ARC: variants seen among roughly 807,000 people sequenced by gnomAD.
The protein encoded by ARC is activity-regulated cytoskeleton-associated protein.
In ARC, 10 loss-of-function variants were observed where a neutral mutation model predicts 20.0. The ratio of observed to expected loss-of-function variants is 0.50; its 90% CI spans 0.31 to 0.85. ARC has a LOEUF of 0.85. Ranked by LOEUF, ARC falls within the 40% of genes least tolerant of loss-of-function variation. ARC has a pLI of 0.05. For synonymous variants in ARC, 269 were observed against 254.1 expected (o/e 1.06, Z -0.56); for missense variants, 454 against 555.5 (o/e 0.82, Z 1.84).
Position 142,612,600 on chromosome 8 carries a change from A to T in ARC, c.*481T>A. ...AGGCTGGCCAGCTGCCCTGGGAGGCAGGGAGGGCGTCAGCTGGCTCTGCGG... is the reference window on the plus strand; with the variant it reads ...AGGCTGGCCAGCTGCCCTGGGAGGCTGGGAGGGCGTCAGCTGGCTCTGCGG... On this transcript the variant is annotated 3_prime_UTR_variant, in exon 1 of 3. Transcript: ENST00000356613. The T allele has an allele frequency of 6.3e-6, 1 of 159,940 alleles. No individual in the cohort carries two copies. The highest frequency in any genetic ancestry group is 1.4e-5 in the Non-Finnish European group (1 of 72,654). The allele number at this position is 159,940 out of a possible 1,614,324, so 9.9% of individuals were successfully genotyped here. A position where few individuals can be genotyped will look rare whatever the true frequency, so the allele number is the denominator to read the frequency against.
Position 142,612,758 on chromosome 8 carries a change from G to A in ARC, c.*323C>T. On this transcript the variant is annotated 3_prime_UTR_variant, in exon 1 of 3. Transcript: ENST00000356613. ...CATCCGGACACTTGGTTTTCTGGAT[G>A]TCCAGAGGGCCTGGGTGTTGTAGCA... 3.0e-6 allele frequency: 1 copy of A among 328,722 alleles called. No homozygotes were observed. Among genetic ancestry groups the A allele is most frequent in the Non-Finnish European group, 5.6e-6 (1 of 178,596 alleles). 20.4% of individuals were successfully genotyped at this position (328,722 alleles called of 1,614,324 possible). A position where few individuals can be genotyped will look rare whatever the true frequency, so the allele number is the denominator to read the frequency against.
In ARC at chr8:142,612,775, G is replaced by C; in HGVS notation, c.*306C>G. The stretch of plus-strand genomic sequence containing the variant: ...TTCTGGATGTCCAGAGGGCCTGGGT[G>C]TTGTAGCAGAATGAGGAAGCTGGGG... On this transcript the variant is annotated 3_prime_UTR_variant, in exon 1 of 3. Coordinates refer to ENST00000356613, the MANE Select transcript of ARC (RefSeq NM_015193.5). 2.6e-6 allele frequency: 1 copy of C among 380,374 alleles called. No homozygotes were observed. Among genetic ancestry groups the C allele is most frequent in the Non-Finnish European group, 4.7e-6 (1 of 210,866 alleles). 23.6% of individuals were successfully genotyped at this position (380,374 alleles called of 1,614,324 possible).
rs892215236 is a variant in ARC at position 142,614,391 on chromosome 8, CGGGCCGGCGGCG to C, written c.-132_-121del. 2.0e-5 allele frequency: 19 copies of C among 936,072 alleles called. No individual in the cohort carries two copies. In the African/African-American group the frequency reaches 2.2e-4, roughly 11 times the overall value. 58.0% of individuals were successfully genotyped at this position (936,072 alleles called of 1,614,324 possible). A position where few individuals can be genotyped will look rare whatever the true frequency, so the allele number is the denominator to read the frequency against. The stretch of plus-strand genomic sequence containing the variant: ...TGCGGGGAGCGCCTGTCTGTCGCTG[CGGGCCGGCGGCG>C]GGGCCGGCGGAGCACGCCCGGGGAG... On this transcript the variant is annotated 5_prime_UTR_variant, in exon 1 of 3. Coordinates refer to ENST00000356613, the MANE Select transcript of ARC (RefSeq NM_015193.5).
rs1193395488 is a variant in ARC, at chr8:142,613,983, G to A, written c.289C>T (p.Arg97Cys). Residue 97 changes from arginine (R) to cysteine (C), a missense_variant, in exon 1 of 3, where the codon CGC becomes TGC. Physicochemically the swap from Arg to Cys is radical, Grantham distance 180. Coordinates refer to ENST00000356613, the MANE Select transcript of ARC (RefSeq NM_015193.5). ...WKKSIKACLC[R>C]CQETIANLER... The stretch of plus-strand genomic sequence containing the variant: ...AGGTTGGCGATGGTCTCCTGGCAGC[G>A]GCACAGGCAGGCCTTGATGGACTTC... The A allele has an allele frequency of 3.1e-6, 5 of 1,608,798 alleles. No individual in the cohort carries two copies. The highest frequency in any genetic ancestry group is 4.2e-6 in the Non-Finnish European group (5 of 1,179,446).
rs587595872 is a variant in ARC at position 142,612,951 on chromosome 8, G to C, written c.*130C>G. On this transcript the variant is annotated 3_prime_UTR_variant, in exon 1 of 3. Coordinates refer to ENST00000356613, the MANE Select transcript of ARC (RefSeq NM_015193.5). ...GGATGACACGAGTGTGTGCGAGTCC[G>C]CCCGGAGCTCGAGGGGGCACCCAGC... is the stretch of plus-strand genomic sequence containing the variant. 48 of 724,246 alleles carry C rather than the reference G, an allele frequency of 6.6e-5. No homozygotes were observed. In the South Asian group the frequency reaches 8.4e-4, roughly 13 times the overall value. The allele number at this position is 724,246 out of a possible 1,614,324, so 44.9% of individuals were successfully genotyped here.
Position 142,614,106 on chromosome 8 carries a change from G to T in ARC, c.166C>A (p.Gln56Lys). The change falls in exon 1 of 3, where the codon CAG becomes AAG. Residue 56 changes from glutamine (Q) to lysine (K), a missense_variant. By Grantham distance (53) the Gln-to-Lys change is moderately conservative. Transcript: ENST00000356613. The part of the protein sequence containing the change: ...HRHLLAEVSK[Q>K]VERELKGLHR... The stretch of plus-strand genomic sequence containing the variant: ...AGCCCCTTCAGCTCGCGCTCCACCT[G>T]CTTGGACACCTCGGCCAGCAGGTGC... 1.3e-6 allele frequency: 2 copies of T among 1,594,048 alleles called. No individual in the cohort carries two copies. Among genetic ancestry groups the T allele is most frequent in the Non-Finnish European group, 1.7e-6 (2 of 1,169,944 alleles).
chr8:142,613,373 T>C lies in ARC; in HGVS notation c.899A>G (p.Gln300Arg), dbSNP rs1846274763. 7 of 1,613,144 alleles carry C rather than the reference T, an allele frequency of 4.3e-6. No homozygotes were observed. Among genetic ancestry groups the C allele is most frequent in the Non-Finnish European group, 5.9e-6 (7 of 1,179,970 alleles). The change falls in exon 1 of 3, where the codon CAG becomes CGG. Residue 300 changes from glutamine (Q) to arginine (R), a missense_variant. By Grantham distance (43) the Gln-to-Arg change is conservative (BLOSUM62 1). Coordinates refer to ENST00000356613, the MANE Select transcript of ARC (RefSeq NM_015193.5). ...CAGGTCCCGCTTGCGCCACAGGAAC[T>C]GGTCCAGCGGCTCGCCCTGCTTCTG... ...LPQKQGEPLD[Q>R]FLWRKRDLYQ...
At position 142,613,512 on chromosome 8, in the gene ARC, A is replaced by G; in HGVS notation, c.760T>C (p.Trp254Arg). The G allele has an allele frequency of 6.2e-7, 1 of 1,612,428 alleles. No homozygotes were observed. Among genetic ancestry groups the G allele is most frequent in the Non-Finnish European group, 8.5e-7 (1 of 1,179,660 alleles). ...NHMNGPAKKW[W>R]EFKQGSVKNW... ...TTCACGGAGCCCTGCTTGAACTCCCACCACTTCTTGGCCGGCCCGTTCATG... is the reference window on the plus strand; with the variant it reads ...TTCACGGAGCCCTGCTTGAACTCCCGCCACTTCTTGGCCGGCCCGTTCATG... Residue 254 changes from tryptophan (W) to arginine (R), a missense_variant, in exon 1 of 3, where the codon TGG becomes CGG. Physicochemically the swap from Trp to Arg is moderately radical, Grantham distance 101. This residue lies in a region of ARC where 117 missense variants were observed against 194.4 expected (regional missense o/e 0.60). Transcript: ENST00000356613.
In ARC at chr8:142,613,299, C is replaced by A; in HGVS notation, c.973G>T (p.Val325Leu). ...DADEEEIIQY[V>L]VGTLQPKLKR... ...AGCTTGGGCTGCAGGGTGCCCACCA[C>A]GTACTGGATGATCTCCTCCTCGTCC... The change falls in exon 1 of 3, where the codon GTG (valine) becomes TTG (leucine). Residue 325 changes from valine (V) to leucine (L), a missense_variant. Physicochemically the swap from Val to Leu is conservative, Grantham distance 32. This residue lies in a region of ARC where 117 missense variants were observed against 194.4 expected (regional missense o/e 0.60). Coordinates refer to ENST00000356613, the MANE Select transcript of ARC (RefSeq NM_015193.5). The A allele has an allele frequency of 6.2e-7, 1 of 1,613,706 alleles. No individual in the cohort carries two copies.
Position 142,613,630 on chromosome 8 carries a change from G to A in ARC, c.642C>T (p.Phe214=), listed in dbSNP as rs78238991. The part of the protein sequence containing the change: ...QPSPGVDTQI[F]EDPREFLSHL... ...GGCTCAGGAACTCTCGAGGGTCCTC[G>A]AAGATCTGCGTGTCCACGCCGGGGC... The change falls in exon 1 of 3, where the codon TTC becomes TTT. Residue 214 remains phenylalanine, a synonymous_variant. Transcript: ENST00000356613. The A allele has an allele frequency of 6.7e-3, 10,627 of 1,577,376 alleles. 604 individuals carry two copies. In the African/African-American group the frequency reaches 0.12, roughly 18 times the overall value.
rs1158958073 is a variant in ARC at position 142,611,514 on chromosome 8, G to C, written c.*1086C>G. ...GCTCAGGGCTGCTGGGCAGGGGTAG[G>C]AGCTGTGGCCCCAGCCTTGGGGCTC... On this transcript the variant is annotated 3_prime_UTR_variant, in exon 3 of 3. Transcript: ENST00000356613. The C allele has an allele frequency of 6.6e-6, 1 of 152,290 alleles. No individual in the cohort carries two copies. Among genetic ancestry groups the C allele is most frequent in the Non-Finnish European group, 1.5e-5 (1 of 68,086 alleles). The allele number at this position is 152,290 out of a possible 1,614,324, so 9.4% of individuals were successfully genotyped here.
Position 142,614,162 on chromosome 8 carries a change from T to G in ARC, c.110A>C (p.Glu37Ala). The G allele has an allele frequency of 6.3e-7, 1 of 1,581,898 alleles. No individual in the cohort carries two copies. Among genetic ancestry groups the G allele is most frequent in the Non-Finnish European group, 8.6e-7 (1 of 1,166,442 alleles). The part of the protein sequence containing the change: ...VILQIGKCRA[E>A]MLEHVRRTHR... ...CGTCCGCCGCACGTGCTCCAGCATC[T>G]CGGCCCGGCACTTCCCGATCTGCAG... Residue 37 changes from glutamate (E) to alanine (A), a missense_variant, in exon 1 of 3, where the codon GAG (glutamate) becomes GCG (alanine). By Grantham distance (107) the Glu-to-Ala change is moderately radical (BLOSUM62 -1). Around this residue, in one of 3 missense-constraint regions of ARC, gnomAD observed 265 missense variants for 301.7 expected, o/e 0.88. Transcript: ENST00000356613.
chr8:142,613,184 G>T lies in ARC; in HGVS notation c.1088C>A (p.Ala363Asp). Residue 363 changes from alanine to aspartate, a missense_variant, in exon 1 of 3, where the codon GCC becomes GAC. Transcript: ENST00000356613. Reference protein sequence around the residue: ...MEVQDDLEQAAEPAGPHLPVE... With the variant: ...MEVQDDLEQADEPAGPHLPVE... ...CGGGAGGTGGGGGCCGGCCGGCTCG[G>T]CCGCCTGCTCCAGGTCATCCTGCAC... is the stretch of plus-strand genomic sequence containing the variant. 1 of 1,610,046 alleles carries T rather than the reference G, an allele frequency of 6.2e-7. No individual in the cohort carries two copies. The highest frequency in any genetic ancestry group is 8.5e-7 in the Non-Finnish European group (1 of 1,178,674).
Position 142,612,102 on chromosome 8 carries a change from C to T in ARC, c.*742+6G>A, listed in dbSNP as rs372137946. The T allele has an allele frequency of 1.9e-3, 290 of 153,156 alleles. 2 individuals carry two copies. The South Asian group carries it at 0.024, about 12-fold the overall frequency. The allele number at this position is 153,156 out of a possible 1,614,324, so 9.5% of individuals were successfully genotyped here. On this transcript the variant is annotated splice_donor_region_variant and intron_variant, in intron 2 of 2. Coordinates refer to ENST00000356613, the MANE Select transcript of ARC (RefSeq NM_015193.5). ...GGGTCTGGGTGGAAGGGTGGTGCTC[C>T]GTTACCTGTTGTCACTCTCCTGGCT...
rs966559530 is a variant in ARC, at chr8:142,611,585, T to C, written c.*1015A>G. 6.6e-6 allele frequency: 1 copy of C among 152,312 alleles called. No individual in the cohort carries two copies. Among genetic ancestry groups the C allele is most frequent in the Non-Finnish European group, 1.5e-5 (1 of 68,120 alleles). The allele number at this position is 152,312 out of a possible 1,614,324, so 9.4% of individuals were successfully genotyped here. A position where few individuals can be genotyped will look rare whatever the true frequency, so the allele number is the denominator to read the frequency against. On this transcript the variant is annotated 3_prime_UTR_variant, in exon 3 of 3. Transcript: ENST00000356613. Reference sequence around the variant, plus strand: ...GGATGGCCTGGCAGCGGGCGGGGTTTCCCTGCTGGGAGGGAGGCAGGGCCC... The same window carrying C: ...GGATGGCCTGGCAGCGGGCGGGGTTCCCCTGCTGGGAGGGAGGCAGGGCCC...
Position 142,613,098 on chromosome 8 carries a change from G to T in ARC, c.1174C>A (p.Arg392=). 6.5e-7 allele frequency: 1 copy of T among 1,547,928 alleles called. No homozygotes were observed. The highest frequency in any genetic ancestry group is 8.7e-7 in the Non-Finnish European group (1 of 1,147,888). ...APNSESVASD[R]TQPE ...GATGCCCTCTACTCGGGCTGGGTCCGGTCACTGGCCACGGACTCGCTGTTG... is the reference window on the plus strand; with the variant it reads ...GATGCCCTCTACTCGGGCTGGGTCCTGTCACTGGCCACGGACTCGCTGTTG... Residue 392 remains arginine (R), a synonymous_variant, in exon 1 of 3, where the codon CGG becomes AGG. Transcript: ENST00000356613.
rs1247856381 is a variant in ARC at position 142,613,116 on chromosome 8, C to T, written c.1156G>A (p.Glu386Lys). Residue 386 changes from glutamate to lysine, a missense_variant, in exon 1 of 3, where the codon GAG (glutamate) becomes AAG (lysine). By Grantham distance (56) the Glu-to-Lys change is moderately conservative. Coordinates refer to ENST00000356613, the MANE Select transcript of ARC (RefSeq NM_015193.5). ...AETLTPAPNS[E>K]SVASDRTQPE ...TGGGTCCGGTCACTGGCCACGGACT[C>T]GCTGTTGGGGGCGGGCGTGAGGGTC... 1.3e-6 allele frequency: 2 copies of T among 1,568,958 alleles called. No individual in the cohort carries two copies. The highest frequency in any genetic ancestry group is 1.2e-5 in the South Asian group (1 of 85,860).
Position 142,614,258 on chromosome 8 carries a change from T to G in ARC, c.14A>C (p.His5Pro). The part of the protein sequence containing the change: MELD[H>P]RTSGGLHAYP... ...GGCGTGGAGCCCGCCGCTGGTCCGG[T>G]GGTCCAGCTCCATCTGTGCGCAGGT... The change falls in exon 1 of 3, where the codon CAC (histidine) becomes CCC (proline). Residue 5 changes from histidine to proline, a missense_variant. His to Pro is a moderately conservative substitution (Grantham distance 77). Around this residue, in one of 3 missense-constraint regions of ARC, gnomAD observed 265 missense variants for 301.7 expected, o/e 0.88. Transcript: ENST00000356613. 1 of 1,476,280 alleles carries G rather than the reference T, an allele frequency of 6.8e-7. No individual in the cohort carries two copies. Among genetic ancestry groups the G allele is most frequent in the Non-Finnish European group, 8.9e-7 (1 of 1,117,866 alleles). 91.4% of individuals were successfully genotyped at this position (1,476,280 alleles called of 1,614,324 possible).
Position 142,612,830 on chromosome 8 carries a change from G to A in ARC, c.*251C>T. On this transcript the variant is annotated 3_prime_UTR_variant, in exon 1 of 3. Transcript: ENST00000356613. ...CTGTGATGGCCTGAGAGTGTGGAGG[G>A]TGGGGTCCAGGCCGGAAAGACAGAC... The A allele has an allele frequency of 4.0e-6, 2 of 499,178 alleles. No homozygotes were observed. Among genetic ancestry groups the A allele is most frequent in the Non-Finnish European group, 3.6e-6 (1 of 281,258 alleles). 30.9% of individuals were successfully genotyped at this position (499,178 alleles called of 1,614,324 possible). A position where few individuals can be genotyped will look rare whatever the true frequency, so the allele number is the denominator to read the frequency against.
Sources: allele counts gnomAD v4.1 joint callset, GRCh38; gene constraint gnomAD v4.1.1; regional missense constraint gnomAD v4.1.1; transcripts MANE v1.5; gene names NCBI Gene and HGNC (gene_info 2026-07-23, HGNC 2026-07-21).